Variants in IRAG1 observed in about 807,000 individuals in gnomAD.
IRAG1 encodes the protein IP3R-associated cGMP kinase substrate.
Under a neutral mutation model 106.2 loss-of-function variants are expected in IRAG1, and 62 were observed. The ratio of observed to expected loss-of-function variants is 0.58; its 90% CI spans 0.48 to 0.72. IRAG1 has a LOEUF of 0.72. Among genes scored for constraint, IRAG1 ranks in the 30% least tolerant of loss-of-function variants. The pLI, the probability that IRAG1 is intolerant of heterozygous loss-of-function variation, is 0.00. For synonymous variants in IRAG1, 462 were observed against 443.9 expected (o/e 1.04, Z -0.51); for missense variants, 1,064 against 1,140.7 (o/e 0.93, Z 0.97).
Position 10,601,063 on chromosome 11 carries a change from C to A in IRAG1, c.1876-4G>T, listed in dbSNP as rs376056697. ...TTGCTTTCGACATGCGCTTTTCCTG[C>A]GGGGAAGGAGCGCATGAGTGCATGA... On this transcript the variant is annotated splice_polypyrimidine_tract_variant and splice_region_variant and intron_variant, in intron 14 of 20. Coordinates refer to ENST00000423302, the MANE Select transcript of IRAG1 (RefSeq NM_130385.4). 5.6e-6 allele frequency: 9 copies of A among 1,613,536 alleles called. No homozygotes were observed. The highest frequency in any genetic ancestry group is 4.5e-5 in the East Asian group (2 of 44,900).
At chr11:10,654,611 G>A (rs1858780625) in intron 1 of IRAG1, among the ~76,000 whole-genome samples, 2 of 152,208 alleles carry the variant, frequency 1.3e-5, no homozygotes, top group East Asian at 3.8e-4. Flanking sequence ...AAGGAACATA[G>A]AGCCCAGTGG....
chr11:10,593,320 T>G lies in IRAG1; in HGVS notation c.2175+172A>C, dbSNP rs947957541. The G allele has an allele frequency of 1.5e-5, 8 of 532,892 alleles. No individual in the cohort carries two copies. In the African/African-American group the frequency reaches 1.5e-4, roughly 10 times the overall value. The allele number at this position is 532,892 out of a possible 1,614,324, so 33.0% of individuals were successfully genotyped here. Reference sequence around the variant, plus strand: ...GGACTTCCCAGAGTAGTAGAATACATGCAGCCTGGTGTATATTGAGTTTTT... The same window carrying G: ...GGACTTCCCAGAGTAGTAGAATACAGGCAGCCTGGTGTATATTGAGTTTTT... On this transcript the variant is annotated intron_variant, in intron 17 of 20. Coordinates refer to ENST00000423302, the MANE Select transcript of IRAG1 (RefSeq NM_130385.4).
intron 10 of IRAG1, among the ~76,000 whole-genome samples, chr11:10,617,479 G>C (rs1855519747): frequency 6.6e-6 from 1 of 152,194 alleles, no homozygotes; most frequent in South Asian, 2.1e-4. Context: ...CCAAAGAAGA[G>C]AAATTGGTTT....
At chr11:10,677,993 TTATC>T (rs1432902298) in intron 1 of IRAG1, among the ~76,000 whole-genome samples, 2 of 148,398 alleles carry the variant, frequency 1.3e-5, no homozygotes, top group Admixed American at 6.8e-5. Context: ...TATTCCATCA[TTATC>T]TATCTCTCTA....
chr11:10,597,193 A>G (rs763784529), intron 15 of IRAG1, among the ~76,000 whole-genome samples: 8 of 152,232 alleles, frequency 5.3e-5, no homozygotes, highest in Admixed American at 3.3e-4. Flanking sequence ...CCTCAAATAT[A>G]GTAACTACCA....
At chr11:10,580,304 G>A (rs1394730543) in intron 20 of IRAG1, 151 bp downstream of exon 20, 12 of 1,177,336 alleles carry the variant, frequency 1.0e-5, no homozygotes, top group African/African-American at 1.5e-5. Flanking sequence ...TTCCCAACAT[G>A]TGTGCCCTCT....
intron 1 of IRAG1, among the ~76,000 whole-genome samples, chr11:10,672,674 G>T (rs1860336601): frequency 6.6e-6 from 1 of 152,182 alleles, no homozygotes; most frequent in Non-Finnish European, 1.5e-5. Flanking sequence ...ACAACAGCAA[G>T]TGTCGACTAG....
chr11:10,615,899 T>C (rs529767597), intron 10 of IRAG1, among the ~76,000 whole-genome samples: 191 of 136,136 alleles, frequency 1.4e-3, no homozygotes, highest in African/African-American at 4.6e-3. Flanking sequence ...AACTTGCACG[T>C]TGTGCACATG....
intron 2 of IRAG1, among the ~76,000 whole-genome samples, chr11:10,643,866 A>C (rs1202471842): frequency 1.3e-5 from 2 of 152,248 alleles, no homozygotes; most frequent in African/African-American, 4.8e-5. Context: ...TGGAGACAGA[A>C]AAACAAAGAA....
chr11:10,638,342 T>C (rs1035693), intron 2 of IRAG1, among the ~76,000 whole-genome samples: 71,166 of 152,012 alleles, frequency 0.47, 17,425 homozygotes, highest in East Asian at 0.8. Flanking sequence ...TCTTCAGTGA[T>C]TTGTGCTCCC....
intron 1 of IRAG1, among the ~76,000 whole-genome samples, chr11:10,677,122 T>A (rs1211019577): frequency 6.6e-6 from 1 of 152,164 alleles, no homozygotes; most frequent in Admixed American, 6.5e-5. Flanking sequence ...CCCCTCTGGG[T>A]CCATGCATAC....
At chr11:10,642,500 C>T (rs1857587647) in intron 2 of IRAG1, among the ~76,000 whole-genome samples, 1 of 152,158 alleles carries the variant, frequency 6.6e-6, no homozygotes, top group Admixed American at 6.5e-5. Context: ...GGTTTAGATC[C>T]TGTAGATGGG....
chr11:10,576,518 G>A lies in IRAG1; in HGVS notation c.2553C>T (p.His851=). ...CAGCCATCATCCAGATCACTTGCCA[G>A]TGCTGACACAGTTTGGGATACATGA... is the stretch of plus-strand genomic sequence containing the variant. ...LQVMYPKLCQ[H]WQVIWMMAAV... The change falls in exon 21 of 21, where the codon CAC becomes CAT. Residue 851 remains histidine, a synonymous_variant. Transcript: ENST00000423302. 6.2e-7 allele frequency: 1 copy of A among 1,614,028 alleles called. No individual in the cohort carries two copies. Among genetic ancestry groups the A allele is most frequent in the African/African-American group, 1.3e-5 (1 of 75,056 alleles).
chr11:10,627,659 T>C, intron 8 of IRAG1, 57 bp downstream of exon 8: 1 of 1,599,184 alleles, frequency 6.3e-7, no homozygotes, highest in Non-Finnish European at 8.6e-7. Flanking sequence ...CCTAGGCTTC[T>C]AGGAGACTGT....
At chr11:10,585,270 T>C (rs1366203952) in intron 18 of IRAG1, among the ~76,000 whole-genome samples, 2 of 152,150 alleles carry the variant, frequency 1.3e-5, no homozygotes, top group Non-Finnish European at 2.9e-5. Context: ...CTCTTTTACA[T>C]GCAGATCTTC....
At position 10,575,608 on chromosome 11, in the gene IRAG1, A is replaced by G. The variant is rs777978944; in HGVS notation, c.*724T>C. ...ATCCAGAGGTACACACCCAGAGCACACTTTTGAAGGGTTGTTGGCTCTGTG... is the reference window on the plus strand; with the variant it reads ...ATCCAGAGGTACACACCCAGAGCACGCTTTTGAAGGGTTGTTGGCTCTGTG... On this transcript the variant is annotated 3_prime_UTR_variant, in exon 21 of 21. Coordinates refer to ENST00000423302, the MANE Select transcript of IRAG1 (RefSeq NM_130385.4). 1 of 152,264 alleles carries G rather than the reference A, an allele frequency of 6.6e-6. No homozygotes were observed. The allele number at this position is 152,264 out of a possible 1,614,324, so 9.4% of individuals were successfully genotyped here.
In IRAG1 at chr11:10,600,920, G is replaced by C. The variant is rs374967051; in HGVS notation, c.2015C>G (p.Ser672Cys). The C allele has an allele frequency of 4.3e-6, 7 of 1,613,948 alleles. No individual in the cohort carries two copies. The highest frequency in any genetic ancestry group is 5.9e-6 in the Non-Finnish European group (7 of 1,179,908). The change falls in exon 15 of 21, where the codon TCT (serine) becomes TGT (cysteine). Residue 672 changes from serine to cysteine, a missense_variant and splice_region_variant. Transcript: ENST00000423302. ...NQNSSRSCGP[S>C]EDGVPRTARS... is the part of the protein sequence containing the mutation. ...GGGGCAGGAGCCTAGGTCCTTACCA[G>C]AGGGGCCACAGCTGCGGCTTGAATT...
At chr11:10,582,669 G>A (rs1268402649) in intron 18 of IRAG1, among the ~76,000 whole-genome samples, 1 of 152,170 alleles carries the variant, frequency 6.6e-6, no homozygotes, top group African/African-American at 2.4e-5. Context: ...AATAGCAGAG[G>A]AGAGGGTTGG....
chr11:10,580,426 G>A (rs560820224), intron 20 of IRAG1, 29 bp downstream of exon 20: 36 of 1,600,216 alleles, frequency 2.2e-5, no homozygotes, highest in Non-Finnish European at 3.0e-5. Flanking sequence ...TTTCAGCAAC[G>A]GCAAGGACTC....
Sources: gnomAD v4.1 joint callset for allele counts (sites outside exome capture counted in the v4.1 genomes callset) on GRCh38, gnomAD v4.1.1 for gene constraint, MANE v1.5 for transcripts, NCBI Gene and HGNC (gene_info 2026-07-23, HGNC 2026-07-21) for gene names.